Variants in ABAT observed in about 807,000 individuals in gnomAD.
ABAT encodes 4-aminobutyrate aminotransferase.
Under a neutral mutation model 64.6 loss-of-function variants are expected in ABAT, and 45 were observed. The observed-to-expected ratio is 0.70, with a 90% CI of 0.55 to 0.89. ABAT has a LOEUF of 0.89. Among genes scored for constraint, ABAT ranks in the 40% least tolerant of loss-of-function variants. The probability of loss-of-function intolerance (pLI) is 0.00; values close to 1 mark genes in which losing one functional copy is unlikely to be tolerated. For missense variants in ABAT, 633 were observed against 658.4 expected, an observed-to-expected ratio of 0.96 and a Z score of 0.42; for synonymous variants, 297 against 250.5, an observed-to-expected ratio of 1.19 and a Z score of -1.75.
rs1332887423 is a variant in ABAT at position 8,781,085 on chromosome 16, G to T, written c.1382-224G>T. On this transcript the variant is annotated intron_variant, in intron 15 of 15. Transcript: ENST00000268251. The surrounding 1 kb of genome is among the most constrained non-coding windows in gnomAD (Gnocchi z 4.5). ...AAAAGGAAGTGTGGAGGGAAGGAAAGGAAGAAGAGAATGATGGAGGAGATG... is the reference window on the plus strand; with the variant it reads ...AAAAGGAAGTGTGGAGGGAAGGAAATGAAGAAGAGAATGATGGAGGAGATG... Among the ~76,000 whole-genome samples the T allele has an allele frequency of 6.6e-6, 1 of 152,142 alleles. No individual in the cohort carries two copies. The highest frequency in any genetic ancestry group is 2.1e-4 in the South Asian group (1 of 4,826).
chr16:8,730,505 C>A (rs1374017329), intron 1 of ABAT, among the ~76,000 whole-genome samples: 2 of 152,192 alleles, frequency 1.3e-5, no homozygotes, highest in East Asian at 3.9e-4. Context: ...GTCATTCCTC[C>A]TTGCCCTGTT....
chr16:8,756,048 C>CAA lies in ABAT; in HGVS notation c.317-1700_317-1699dup, dbSNP rs59561493. Among the ~76,000 whole-genome samples, 293 of 145,342 alleles carry CAA rather than the reference C, an allele frequency of 2.0e-3. 1 individual carries two copies. Among genetic ancestry groups the CAA allele is most frequent in the African/African-American group, 6.7e-3 (265 of 39,686 alleles). On this transcript the variant is annotated intron_variant, in intron 5 of 15. Coordinates refer to ENST00000268251, the MANE Select transcript of ABAT (RefSeq NM_020686.6). ...TGGGCAACAGAGCGAGACTCTCTCTCAAAAAAAAAACAAAATTAGCCAGGC... is the reference window on the plus strand; with the variant it reads ...TGGGCAACAGAGCGAGACTCTCTCTCAAAAAAAAAAAACAAAATTAGCCAGGC...
chr16:8,680,585 C>T (rs2057309284), intron 1 of ABAT, among the ~76,000 whole-genome samples: 1 of 151,978 alleles, frequency 6.6e-6, no homozygotes, highest in Non-Finnish European at 1.5e-5. Context: ...ACAACCACGC[C>T]CGGCTAATTT....
At chr16:8,728,164 A>G (rs1640988) in intron 1 of ABAT, among the ~76,000 whole-genome samples, 147,403 of 152,310 alleles carry the variant, frequency 0.97, 71,401 homozygotes, top group East Asian at 1. Context: ...GAATTAGTGG[A>G]TGAGAGGGAG....
At chr16:8,747,277 T>A (rs1401778632) in intron 3 of ABAT, among the ~76,000 whole-genome samples, 2 of 152,230 alleles carry the variant, frequency 1.3e-5, no homozygotes, top group African/African-American at 4.8e-5. Flanking sequence ...CAAATTTATT[T>A]TTTCTTTGCA....
chr16:8,777,958 A>G (rs2060314913), intron 14 of ABAT, among the ~76,000 whole-genome samples: 1 of 152,084 alleles, frequency 6.6e-6, no homozygotes, highest in Non-Finnish European at 1.5e-5. Context: ...CTCCACAAAA[A>G]GAAACAAATT....
intron 1 of ABAT, among the ~76,000 whole-genome samples, chr16:8,699,682 C>G (rs1426044542): frequency 6.6e-6 from 1 of 152,170 alleles, no homozygotes; most frequent in African/African-American, 2.4e-5. Context: ...CAACCCCATC[C>G]TCCTGAGTAG....
rs747530641 is a variant in ABAT, at chr16:8,783,453, T to C, written c.*2023T>C. ...AGGAGGTTTCAAAGAAAAGGTGTCATTGGAGCAGTGTTTTGCAGAATGAGC... is the reference window on the plus strand; with the variant it reads ...AGGAGGTTTCAAAGAAAAGGTGTCACTGGAGCAGTGTTTTGCAGAATGAGC... On this transcript the variant is annotated 3_prime_UTR_variant, in exon 16 of 16. Transcript: ENST00000268251. 1 of 152,074 alleles carries C rather than the reference T, an allele frequency of 6.6e-6. No homozygotes were observed. Among genetic ancestry groups the C allele is most frequent in the Non-Finnish European group, 1.5e-5 (1 of 68,036 alleles). The allele number at this position is 152,074 out of a possible 1,614,324, so 9.4% of individuals were successfully genotyped here.
chr16:8,741,338 G>C (rs529689888), intron 2 of ABAT, among the ~76,000 whole-genome samples: 1 of 152,350 alleles, frequency 6.6e-6, no homozygotes, highest in Admixed American at 6.5e-5. Flanking sequence ...AGCACTCGAT[G>C]AAATCAAAGA....
rs971736246 is a variant in ABAT, at chr16:8,685,863, A to G, written c.-42+11152A>G. On this transcript the variant is annotated intron_variant, in intron 1 of 15. Transcript: ENST00000268251. ...GACTTGACTCAGAGACCCATAGGGA[A>G]CCATGGAAGAGATTAAAGCAAGGCA... is the stretch of plus-strand genomic sequence containing the variant. Among the ~76,000 whole-genome samples, 5 of 152,272 alleles carry G rather than the reference A, an allele frequency of 3.3e-5. No homozygotes were observed. The East Asian group carries it at 9.7e-4, about 29-fold the overall frequency.
Position 8,735,817 on chromosome 16 carries a change from C to T in ABAT, c.70+8C>T, listed in dbSNP as rs535494372. ...ACCGCCTGCTGGTGCCTGGTAAGCC[C>T]CGGGGGTCTTGATAAGAACTGGTAC... On this transcript the variant is annotated splice_region_variant and intron_variant, in intron 2 of 15. Coordinates refer to ENST00000268251, the MANE Select transcript of ABAT (RefSeq NM_020686.6). 3 of 1,597,622 alleles carry T rather than the reference C, an allele frequency of 1.9e-6. No homozygotes were observed. The highest frequency in any genetic ancestry group is 2.3e-5 in the South Asian group (2 of 88,366).
At chr16:8,725,310 C>G (rs117366046) in intron 1 of ABAT, among the ~76,000 whole-genome samples, 7 of 152,210 alleles carry the variant, frequency 4.6e-5, no homozygotes, top group African/African-American at 1.7e-4. Context: ...GCCACCACCG[C>G]TATCTAATTC....
intron 1 of ABAT, among the ~76,000 whole-genome samples, chr16:8,684,401 C>T (rs778858598): frequency 6.6e-6 from 1 of 152,046 alleles, no homozygotes; most frequent in African/African-American, 2.4e-5. Flanking sequence ...GGCCAAACCC[C>T]GCCTCTACAA....
At chr16:8,702,340 C>T (rs1014691087) in intron 1 of ABAT, among the ~76,000 whole-genome samples, 3 of 152,138 alleles carry the variant, frequency 2.0e-5, no homozygotes, top group African/African-American at 7.2e-5. Context: ...GCAACCTCCG[C>T]CTCCTGGGTT....
chr16:8,732,395 T>G (rs2058753809), intron 1 of ABAT, among the ~76,000 whole-genome samples: 1 of 150,512 alleles, frequency 6.6e-6, no homozygotes, highest in Non-Finnish European at 1.5e-5. Context: ...TGTCCCTGGG[T>G]ACTTGAGATT....
chr16:8,761,318 C>T (rs143405847), intron 6 of ABAT, among the ~76,000 whole-genome samples: 2,741 of 152,116 alleles, frequency 0.018, 105 homozygotes, highest in African/African-American at 0.062. Context: ...CCTTCTCACC[C>T]CCTCCAAACC....
At chr16:8,719,627 A>G (rs2058308876) in intron 1 of ABAT, among the ~76,000 whole-genome samples, 1 of 152,102 alleles carries the variant, frequency 6.6e-6, no homozygotes, top group Non-Finnish European at 1.5e-5. Context: ...TAGCAGGACC[A>G]CCGCATGTGC....
chr16:8,719,673 A>T (rs191508083), intron 1 of ABAT, among the ~76,000 whole-genome samples: 3 of 152,326 alleles, frequency 2.0e-5, no homozygotes, highest in Admixed American at 2.0e-4. Flanking sequence ...CCATAGAAGA[A>T]GTGCCTTTAC....
At chr16:8,706,921 G>A (rs1414179348) in intron 1 of ABAT, among the ~76,000 whole-genome samples, 1 of 152,214 alleles carries the variant, frequency 6.6e-6, no homozygotes, top group Non-Finnish European at 1.5e-5. Flanking sequence ...AGCAGACGGG[G>A]CTGCAAGAAT....
Sources: allele counts gnomAD v4.1 joint callset (sites outside exome capture counted in the v4.1 genomes callset), GRCh38; gene constraint gnomAD v4.1.1; non-coding constraint Gnocchi (gnomAD v3.1); transcripts MANE v1.5; gene names NCBI Gene and HGNC (gene_info 2026-07-23, HGNC 2026-07-21).